The following PAM variants were observed in gnomAD, a reference collection of about 807,000 sequenced individuals.
The protein encoded by PAM is peptidyl-glycine alpha-amidating monooxygenase.
PAM carries 72 observed loss-of-function variants against 122.1 expected under a neutral mutation model. The ratio of observed to expected loss-of-function variants is 0.59; its 90% CI spans 0.49 to 0.72. The LOEUF is 0.72. PAM is among the 30% of genes least tolerant of loss of function. The pLI is 0.00. For missense variants in PAM, 1,106 were observed against 1,183.7 expected (o/e 0.93, Z 0.96); for synonymous variants, 389 against 404.4 (o/e 0.96, Z 0.46).
intron 4 of PAM, among the ~76,000 whole-genome samples, chr5:102,912,964 CA>C (rs1308436136): frequency 6.6e-6 from 1 of 151,994 alleles, no homozygotes; most frequent in Non-Finnish European, 1.5e-5. Flanking sequence ...TGGTGTAGAA[CA>C]TTTTTTTGTT....
chr5:102,857,074 G>A (rs1434381319), intron 1 of PAM, among the ~76,000 whole-genome samples: 3 of 152,110 alleles, frequency 2.0e-5, no homozygotes, highest in African/African-American at 4.8e-5. Flanking sequence ...CAACACAGAT[G>A]ATTTTAAAGT....
At chr5:102,807,256 A>G (rs1285062246) in intron 1 of PAM, among the ~76,000 whole-genome samples, 4 of 152,238 alleles carry the variant, frequency 2.6e-5, no homozygotes. Context: ...ATCTGATCAA[A>G]TAAGTGTAGT....
At chr5:102,905,780 C>T (rs1799351415) in intron 4 of PAM, among the ~76,000 whole-genome samples, 1 of 151,686 alleles carries the variant, frequency 6.6e-6, no homozygotes, top group South Asian at 2.1e-4. Flanking sequence ...AATGAGTTGT[C>T]TAAGTATCCT....
chr5:102,910,321 T>C (rs1266153988), intron 4 of PAM, among the ~76,000 whole-genome samples: 2 of 151,914 alleles, frequency 1.3e-5, no homozygotes, highest in African/African-American at 4.8e-5. Flanking sequence ...CTTTTCAACA[T>C]GTCATCCACA....
chr5:102,905,795 C>T (rs1799358705), intron 4 of PAM, among the ~76,000 whole-genome samples: 1 of 151,696 alleles, frequency 6.6e-6, no homozygotes. Context: ...TATCCTTTCT[C>T]TTCTGTCTTC....
At chr5:103,018,871 G>A (rs1363480967) in intron 22 of PAM, among the ~76,000 whole-genome samples, 2 of 152,110 alleles carry the variant, frequency 1.3e-5, no homozygotes, top group Non-Finnish European at 2.9e-5. Context: ...ATGGGCAGAG[G>A]GAATGGTTTC....
intron 6 of PAM, among the ~76,000 whole-genome samples, chr5:102,925,327 T>C (rs2151724333): frequency 6.6e-6 from 1 of 152,370 alleles, no homozygotes; most frequent in Admixed American, 6.5e-5. Flanking sequence ...ACATTGGTTC[T>C]TGACAGCAGA....
intron 7 of PAM, among the ~76,000 whole-genome samples, chr5:102,935,280 G>A (rs1405645845): frequency 6.8e-6 from 1 of 146,330 alleles, no homozygotes; most frequent in Non-Finnish European, 1.5e-5. Context: ...TTTTTTTTTT[G>A]GACAAGAATT....
chr5:103,005,307 T>C, intron 18 of PAM, 81 bp downstream of exon 18: 1 of 816,836 alleles, frequency 1.2e-6, no homozygotes, highest in South Asian at 1.4e-5. Flanking sequence ...TATGGGTTTT[T>C]TGTTTGTTTG....
chr5:102,815,592 T>A (rs561823256), intron 1 of PAM, among the ~76,000 whole-genome samples: 2 of 152,306 alleles, frequency 1.3e-5, no homozygotes, highest in South Asian at 4.1e-4. Flanking sequence ...TCTCTCTTGC[T>A]TAACTTTTAA....
intron 4 of PAM, among the ~76,000 whole-genome samples, chr5:102,902,731 C>G (rs1798350523): frequency 1.3e-5 from 2 of 150,896 alleles, no homozygotes; most frequent in South Asian, 4.1e-4. Context: ...TTTTTTTTTC[C>G]TAATTTATAT....
chr5:102,924,971 G>T lies in PAM; in HGVS notation c.371G>T (p.Gly124Val). 1.3e-6 allele frequency: 2 copies of T among 1,546,040 alleles called. No homozygotes were observed. The highest frequency in any genetic ancestry group is 1.8e-6 in the Non-Finnish European group (2 of 1,117,938). Residue 124 changes from glycine (G) to valine (V), a missense_variant, in exon 6 of 26, where the codon GGA (glycine) becomes GTA (valine). Gly to Val is a moderately radical substitution (Grantham distance 109, BLOSUM62 -3). Transcript: ENST00000438793. ...STGSYWFCDE[G>V]TCTDKANILY... The stretch of plus-strand genomic sequence containing the variant: ...ATTTTCTTCAGGTTTTGTGATGAAG[G>T]AACCTGTACAGATAAAGCCAATATT...
chr5:102,966,144 T>A (rs1582281346), intron 14 of PAM, among the ~76,000 whole-genome samples: 1 of 152,114 alleles, frequency 6.6e-6, no homozygotes, highest in Non-Finnish European at 1.5e-5. Flanking sequence ...TTTGTATGCC[T>A]ATTCACTAAA....
At chr5:102,971,218 A>G (rs1765732571) in intron 14 of PAM, among the ~76,000 whole-genome samples, 2 of 152,224 alleles carry the variant, frequency 1.3e-5, no homozygotes, top group South Asian at 2.1e-4. Flanking sequence ...TGTTGCAATT[A>G]GTTTGTTTTT....
chr5:102,938,499 G>A (rs1165937963), intron 7 of PAM, among the ~76,000 whole-genome samples: 4 of 151,404 alleles, frequency 2.6e-5, no homozygotes, highest in Admixed American at 6.6e-5. Context: ...GTCTTTTTTG[G>A]GAAAAGAAAA....
At chr5:102,794,023 ATTAT>A (rs2150023220) in intron 1 of PAM, among the ~76,000 whole-genome samples, 1 of 152,280 alleles carries the variant, frequency 6.6e-6, no homozygotes, top group East Asian at 1.9e-4. Context: ...AGTAAAATTT[ATTAT>A]TTATTTAACA....
chr5:102,835,302 A>G (rs891219497), intron 1 of PAM, among the ~76,000 whole-genome samples: 18 of 152,122 alleles, frequency 1.2e-4, no homozygotes, highest in African/African-American at 4.3e-4. Flanking sequence ...TATACAAACT[A>G]AATAATAATC....
chr5:103,009,627 TTTG>T, intron 20 of PAM, 121 bp from the exon 21 acceptor site: 1 of 601,216 alleles, frequency 1.7e-6, no homozygotes, highest in South Asian at 1.7e-5. Flanking sequence ...ATATTCTACT[TTTG>T]TTGCCAATTG....
intron 12 of PAM, among the ~76,000 whole-genome samples, chr5:102,957,128 T>C (rs1761003043): frequency 1.3e-5 from 2 of 152,182 alleles, no homozygotes; most frequent in Admixed American, 1.3e-4. Context: ...AGATAAGACA[T>C]GTTATGAAAC....
Sources: allele counts gnomAD v4.1 joint callset (sites outside exome capture counted in the v4.1 genomes callset), GRCh38; gene constraint gnomAD v4.1.1; transcripts MANE v1.5; gene names NCBI Gene and HGNC (gene_info 2026-07-23, HGNC 2026-07-21).